Variants in C3orf70 observed in about 807,000 individuals in gnomAD.
The protein encoded by C3orf70 is UPF0524 protein C3orf70.
Under a neutral mutation model 20.7 loss-of-function variants are expected in C3orf70, and 15 were observed. The observed-to-expected ratio is 0.72, with a 90% confidence interval of 0.48 to 1.11. The LOEUF (loss-of-function observed/expected upper bound fraction) is 1.11, where lower values mean the gene tolerates loss of function less well. Among genes scored for constraint, C3orf70 ranks in the 50% most tolerant of loss-of-function variants. C3orf70 has a pLI of 0.00. For synonymous variants in C3orf70, 161 were observed against 125.7 expected, an observed-to-expected ratio of 1.28 and a Z score of -1.88; for missense variants, 332 against 317.6, an observed-to-expected ratio of 1.05 and a Z score of -0.34.
intron 1 of C3orf70, among the ~76,000 whole-genome samples, chr3:185,084,965 G>A (rs1268625397): frequency 2.0e-5 from 3 of 152,086 alleles, no homozygotes; most frequent in Non-Finnish European, 4.4e-5. Context: ...TTTAACCTTA[G>A]CACTACCTGC....
chr3:185,124,381 A>G (rs1166834352), intron 1 of C3orf70, among the ~76,000 whole-genome samples: 1 of 152,220 alleles, frequency 6.6e-6, no homozygotes, highest in Non-Finnish European at 1.5e-5. Flanking sequence ...TAGAATGGCT[A>G]AAACAATTTT....
intron 1 of C3orf70, among the ~76,000 whole-genome samples, chr3:185,131,339 G>C (rs1014450403): frequency 6.6e-6 from 1 of 152,170 alleles, no homozygotes; most frequent in Non-Finnish European, 1.5e-5. Flanking sequence ...GCAGTGTTTT[G>C]AATGGAGGTG....
chr3:185,129,210 G>T (rs1212132635), intron 1 of C3orf70, among the ~76,000 whole-genome samples: 1 of 152,214 alleles, frequency 6.6e-6, no homozygotes, highest in Middle Eastern at 3.4e-3. Flanking sequence ...AGGTAGTTTT[G>T]CAATCCTGGC....
chr3:185,093,401 G>C (rs768066314), intron 1 of C3orf70, among the ~76,000 whole-genome samples: 4 of 152,308 alleles, frequency 2.6e-5, no homozygotes, highest in Admixed American at 6.5e-5. Flanking sequence ...GAAAATTAGA[G>C]ATAATGAAGG....
intron 1 of C3orf70, among the ~76,000 whole-genome samples, chr3:185,092,785 G>A (rs1715619059): frequency 6.6e-6 from 1 of 152,140 alleles, no homozygotes; most frequent in Non-Finnish European, 1.5e-5. Context: ...GAGGTCAGGA[G>A]ATCGAGACCA....
intron 1 of C3orf70, among the ~76,000 whole-genome samples, chr3:185,090,191 G>A (rs1715537071): frequency 6.6e-6 from 1 of 152,138 alleles, no homozygotes; most frequent in African/African-American, 2.4e-5. Flanking sequence ...ATTGCAATTT[G>A]CAGCACTGTA....
intron 1 of C3orf70, among the ~76,000 whole-genome samples, 189 bp downstream of exon 1, chr3:185,152,439 C>A (rs1405865866): frequency 6.6e-6 from 1 of 152,182 alleles, no homozygotes; most frequent in Non-Finnish European, 1.5e-5. Flanking sequence ...CAAGGCAGCG[C>A]CAACCCCAGC....
intron 1 of C3orf70, among the ~76,000 whole-genome samples, chr3:185,089,023 C>G (rs191975164): frequency 2.3e-3 from 343 of 152,292 alleles, no homozygotes; most frequent in African/African-American, 8.0e-3. Context: ...AAAGACTTGT[C>G]TCAAGGACTT....
intron 1 of C3orf70, among the ~76,000 whole-genome samples, chr3:185,129,445 T>C (rs1259150930): frequency 6.6e-6 from 1 of 152,158 alleles, no homozygotes; most frequent in Non-Finnish European, 1.5e-5. Context: ...CATGTGGGTA[T>C]GTACCACATT....
chr3:185,083,603 CAAA>C, intron 1 of C3orf70, 40 bp from the exon 2 acceptor site: 1 of 1,499,360 alleles, frequency 6.7e-7, no homozygotes, highest in Non-Finnish European at 8.9e-7. Context: ...CTATATTACA[CAAA>C]CTATATTAAC....
intron 1 of C3orf70, among the ~76,000 whole-genome samples, chr3:185,106,799 A>G (rs145893378): frequency 0.052 from 7,913 of 152,164 alleles, 668 homozygotes; most frequent in African/African-American, 0.18. Flanking sequence ...CCTTGCCAGC[A>G]GGGACGATAG....
intron 1 of C3orf70, among the ~76,000 whole-genome samples, chr3:185,092,467 G>A (rs2108589253): frequency 6.6e-6 from 1 of 152,180 alleles, no homozygotes; most frequent in African/African-American, 2.4e-5. Flanking sequence ...CCTAGAGTTT[G>A]CTTTCACTCT....
At chr3:185,131,893 G>A (rs1021245347) in intron 1 of C3orf70, among the ~76,000 whole-genome samples, 1 of 152,184 alleles carries the variant, frequency 6.6e-6, no homozygotes, top group African/African-American at 2.4e-5. Flanking sequence ...TATCATCAGT[G>A]TAAGAGTAAA....
At chr3:185,089,902 ATGT>A (rs949119136) in intron 1 of C3orf70, among the ~76,000 whole-genome samples, 20 of 152,182 alleles carry the variant, frequency 1.3e-4, no homozygotes, top group African/African-American at 4.8e-4. Context: ...AATATTTATG[ATGT>A]TTTCCTTCTT....
chr3:185,145,339 A>G (rs748749831), intron 1 of C3orf70, among the ~76,000 whole-genome samples: 21 of 152,270 alleles, frequency 1.4e-4, no homozygotes, highest in Non-Finnish European at 1.9e-4. Context: ...TGTGTATACA[A>G]TTCTAAAAAC....
chr3:185,137,065 A>T (rs933766401), intron 1 of C3orf70, among the ~76,000 whole-genome samples: 1 of 152,072 alleles, frequency 6.6e-6, no homozygotes, highest in Non-Finnish European at 1.5e-5. Flanking sequence ...TTGAATTCCC[A>T]CGTTTTGTAG....
chr3:185,119,704 ATCTTAGGGAAT>A (rs1424437239), intron 1 of C3orf70, among the ~76,000 whole-genome samples: 1 of 151,332 alleles, frequency 6.6e-6, no homozygotes, highest in Non-Finnish European at 1.5e-5. Context: ...TTTTACCTGC[ATCTTAGGGAAT>A]TTGGGGTGCT....
At chr3:185,123,227 A>G (rs1716342550) in intron 1 of C3orf70, among the ~76,000 whole-genome samples, 4 of 151,370 alleles carry the variant, frequency 2.6e-5, no homozygotes, top group Admixed American at 2.6e-4. Context: ...GCATTATCAC[A>G]ATGTTGACTG....
chr3:185,121,581 A>G (rs1447503024), intron 1 of C3orf70, among the ~76,000 whole-genome samples: 1 of 152,118 alleles, frequency 6.6e-6, no homozygotes, highest in Non-Finnish European at 1.5e-5. Flanking sequence ...AATGGTCTTG[A>G]GCAAGAATTT....
Sources: gnomAD v4.1 joint callset for allele counts (sites outside exome capture counted in the v4.1 genomes callset) on GRCh38, gnomAD v4.1.1 for gene constraint, MANE v1.5 for transcripts, NCBI Gene and HGNC (gene_info 2026-07-23, HGNC 2026-07-21) for gene names.